ELL: variants seen among roughly 807,000 people sequenced by gnomAD.
The protein encoded by ELL is elongation factor for RNA polymerase II.
ELL carries 18 observed loss-of-function variants against 64.0 expected under a neutral mutation model. That is an observed-to-expected ratio of 0.28 (90% CI 0.19 to 0.42). The LOEUF (loss-of-function observed/expected upper bound fraction) is 0.42. ELL is among the 10% of genes least tolerant of loss of function. The pLI, the probability that ELL is intolerant of heterozygous loss-of-function variation, is 1.00. For synonymous variants in ELL, 399 were observed against 376.2 expected (o/e 1.06, Z -0.70); for missense variants, 797 against 870.4 (o/e 0.92, Z 1.06).
intron 6 of ELL, among the ~76,000 whole-genome samples, chr19:18,453,767 CAGGCTT>C (rs1015208403): frequency 1.5e-4 from 23 of 152,232 alleles, no homozygotes; most frequent in African/African-American, 5.3e-4. Context: ...CTATGTTGCC[CAGGCTT>C]GTCTAGAACT....
At position 18,499,199 on chromosome 19, in the gene ELL, A is replaced by G. The variant is rs1975728700; in HGVS notation, c.135+22722T>C. 4.6e-5 allele frequency among the ~76,000 whole-genome samples: 7 copies of G among 152,192 alleles called. No homozygotes were observed. In the South Asian group the frequency reaches 1.4e-3, roughly 31 times the overall value. ...GATGGGAGGGCTCAACAGGAATGAC[A>G]CAAGGGCCACCAGCAGCTGCTGGGA... On this transcript the variant is annotated intron_variant, in intron 1 of 11. Coordinates refer to ENST00000262809, the MANE Select transcript of ELL (RefSeq NM_006532.4).
At chr19:18,467,407 A>G (rs1186077909) in intron 2 of ELL, among the ~76,000 whole-genome samples, 1 of 152,014 alleles carries the variant, frequency 6.6e-6, no homozygotes, top group Non-Finnish European at 1.5e-5. Context: ...ACAGAAACAC[A>G]AGCTGAGGGG....
intron 1 of ELL, among the ~76,000 whole-genome samples, chr19:18,505,476 C>T (rs996048875): frequency 2.0e-5 from 3 of 152,218 alleles, no homozygotes; most frequent in Non-Finnish European, 4.4e-5. Flanking sequence ...GGCCATAGTA[C>T]CTGTGCCACA....
intron 1 of ELL, among the ~76,000 whole-genome samples, chr19:18,485,244 GAGGCCCCTCC>G (rs1975384871): frequency 1.3e-5 from 2 of 152,136 alleles, no homozygotes; most frequent in Non-Finnish European, 2.9e-5. Flanking sequence ...CTCTCCCCAG[GAGGCCCCTCC>G]AGGCCTCCAT....
intron 6 of ELL, among the ~76,000 whole-genome samples, chr19:18,455,528 C>T (rs1435541592): frequency 6.7e-6 from 1 of 149,478 alleles, no homozygotes; most frequent in African/African-American, 2.5e-5. Context: ...CCTACGAAAA[C>T]GCAATGGGGA....
intron 1 of ELL, among the ~76,000 whole-genome samples, chr19:18,484,369 G>A (rs936807143): frequency 1.3e-5 from 2 of 152,222 alleles, no homozygotes; most frequent in South Asian, 2.1e-4. Flanking sequence ...GGAGGCTGAG[G>A]CAAGAAAATC....
intron 1 of ELL, among the ~76,000 whole-genome samples, chr19:18,500,331 G>GGT (rs913273262): frequency 1.3e-5 from 2 of 151,880 alleles, no homozygotes; most frequent in Non-Finnish European, 2.9e-5. Context: ...TCCTGAGACA[G>GGT]GTGTGACCAT....
At chr19:18,515,254 G>T (rs753432498) in intron 1 of ELL, among the ~76,000 whole-genome samples, 3 of 152,214 alleles carry the variant, frequency 2.0e-5, no homozygotes, top group Non-Finnish European at 4.4e-5. Flanking sequence ...GCACCTTCTG[G>T]GAGAATCCAC....
At chr19:18,461,938 G>C in intron 4 of ELL, 86 bp from the exon 5 acceptor site, 1 of 1,518,982 alleles carries the variant, frequency 6.6e-7, no homozygotes. Context: ...CCAGAGGTTT[G>C]AGACTATAGA....
intron 1 of ELL, among the ~76,000 whole-genome samples, chr19:18,489,969 C>T (rs1332613630): frequency 2.0e-5 from 3 of 152,134 alleles, no homozygotes; most frequent in African/African-American, 7.2e-5. Flanking sequence ...TGGAGCTGGC[C>T]CTGACCACGC....
chr19:18,452,591 A>G (rs1600429312), intron 6 of ELL, among the ~76,000 whole-genome samples: 2 of 152,316 alleles, frequency 1.3e-5, no homozygotes, highest in Admixed American at 1.3e-4. Flanking sequence ...CAGGGCCCAG[A>G]GCAAGAGGCA....
At chr19:18,490,274 G>A (rs867101703) in intron 1 of ELL, among the ~76,000 whole-genome samples, 1 of 150,396 alleles carries the variant, frequency 6.6e-6, no homozygotes, top group Non-Finnish European at 1.5e-5. Flanking sequence ...ACCATTTGAG[G>A]GCCGGCTGGA....
At chr19:18,473,016 C>T (rs1399217810) in intron 1 of ELL, 134 bp from the exon 2 acceptor site, 6 of 1,079,996 alleles carry the variant, frequency 5.6e-6, no homozygotes, top group Admixed American at 2.7e-5. Context: ...AAAGGAAATG[C>T]ACACACTCTG....
At chr19:18,451,942 C>T (rs1031773279) in intron 6 of ELL, among the ~76,000 whole-genome samples, 1 of 152,204 alleles carries the variant, frequency 6.6e-6, no homozygotes, top group Non-Finnish European at 1.5e-5. Flanking sequence ...CTGGACCCTG[C>T]TTTTAAAGAC....
chr19:18,458,124 G>A, intron 6 of ELL, 81 bp downstream of exon 6: 1 of 1,573,188 alleles, frequency 6.4e-7, no homozygotes, highest in Non-Finnish European at 8.6e-7. Context: ...GACCACACAA[G>A]ACCACCCCAG....
intron 1 of ELL, among the ~76,000 whole-genome samples, chr19:18,496,389 G>C (rs1975653794): frequency 6.6e-6 from 1 of 152,222 alleles, no homozygotes; most frequent in Admixed American, 6.5e-5. Flanking sequence ...ATCTCCCTGA[G>C]GGATGACTCA....
chr19:18,458,179 T>A (rs1178360064), intron 6 of ELL, 26 bp downstream of exon 6: 1 of 1,604,564 alleles, frequency 6.2e-7, no homozygotes, highest in Admixed American at 1.7e-5. Flanking sequence ...GGTGGGGACA[T>A]GCTGGGGGAT....
At chr19:18,496,474 C>T (rs1452019238) in intron 1 of ELL, among the ~76,000 whole-genome samples, 1 of 152,198 alleles carries the variant, frequency 6.6e-6, no homozygotes, top group East Asian at 1.9e-4. Flanking sequence ...GGTAACAGAG[C>T]CTGTCTTCCT....
At chr19:18,511,563 G>C (rs76967930) in intron 1 of ELL, among the ~76,000 whole-genome samples, 4 of 152,192 alleles carry the variant, frequency 2.6e-5, no homozygotes, top group Non-Finnish European at 4.4e-5. Context: ...GGATGAGCAC[G>C]ATGTGGTCCA....
Sources: allele counts gnomAD v4.1 joint callset (sites outside exome capture counted in the v4.1 genomes callset), GRCh38; gene constraint gnomAD v4.1.1; transcripts MANE v1.5; gene names NCBI Gene and HGNC (gene_info 2026-07-23, HGNC 2026-07-21).